L3MBTL4: variants seen among roughly 807,000 people sequenced by gnomAD.
L3MBTL4 encodes the protein L3MBTL histone methyl-lysine binding protein 4, also known as lethal(3)malignant brain tumor-like protein 4.
L3MBTL4 carries 70 observed loss-of-function variants against 84.5 expected under a neutral mutation model. The ratio of observed to expected loss-of-function variants is 0.83; its 90% CI spans 0.68 to 1.01. The LOEUF is 1.01. Among genes scored for constraint, L3MBTL4 ranks in the 50% least tolerant of loss-of-function variants. L3MBTL4 has a pLI of 0.00. For synonymous variants in L3MBTL4, 274 were observed against 259.8 expected, an observed-to-expected ratio of 1.05 and a Z score of -0.52; for missense variants, 715 against 754.8, an observed-to-expected ratio of 0.95 and a Z score of 0.62.
intron 12 of L3MBTL4, among the ~76,000 whole-genome samples, chr18:6,178,153 C>A (rs926285723): frequency 6.6e-6 from 1 of 151,914 alleles, no homozygotes; most frequent in East Asian, 1.9e-4. Context: ...TTTTTACATA[C>A]CCTATTCAAC....
In L3MBTL4 at chr18:6,307,276, C is replaced by CAAA. The variant is rs35431212; in HGVS notation, c.72+4275_72+4277dup. 2.3e-3 allele frequency among the ~76,000 whole-genome samples: 333 copies of CAAA among 144,596 alleles called. 4 individuals are homozygous for CAAA. Among genetic ancestry groups the CAAA allele is most frequent in the African/African-American group, 7.6e-3 (298 of 39,424 alleles). The allele number at this position is 144,596 out of a possible 152,430, so 94.9% of individuals were successfully genotyped here. A position where few individuals can be genotyped will look rare whatever the true frequency, so the allele number is the denominator to read the frequency against. ...TGAAACCCCATTTCTATTAAAAATACAAAAAAAAAAATGAGCTGAACGTGG... is the reference window on the plus strand; with the variant it reads ...TGAAACCCCATTTCTATTAAAAATACAAAAAAAAAAAAAATGAGCTGAACGTGG... On this transcript the variant is annotated intron_variant, in intron 3 of 18. Transcript: ENST00000317931.
At chr18:6,056,152 T>C (rs1201004362) in intron 16 of L3MBTL4, among the ~76,000 whole-genome samples, 1 of 152,140 alleles carries the variant, frequency 6.6e-6, no homozygotes, top group East Asian at 1.9e-4. Flanking sequence ...ACAGCGATTC[T>C]GTCATTTCCA....
chr18:6,317,394 C>A (rs186104349), intron 1 of L3MBTL4, among the ~76,000 whole-genome samples: 1 of 151,444 alleles, frequency 6.6e-6, no homozygotes, highest in Non-Finnish European at 1.5e-5. Context: ...TAAAGAGATA[C>A]ATATTTTAAA....
At chr18:6,295,309 A>ACTCTCTCTCTCT (rs58507219) in intron 4 of L3MBTL4, among the ~76,000 whole-genome samples, 12 of 62,740 alleles carry the variant, frequency 1.9e-4, no homozygotes, top group East Asian at 1.2e-3. Context: ...AACAACAACA[A>ACTCTCTCTCTCT]CTCTCTCTCT....
At chr18:6,345,522 C>CT (rs1453421873) in intron 1 of L3MBTL4, among the ~76,000 whole-genome samples, 1 of 151,936 alleles carries the variant, frequency 6.6e-6, no homozygotes, top group Non-Finnish European at 1.5e-5. Flanking sequence ...TGAGTTGTTG[C>CT]TATACACTGA....
chr18:6,034,737 G>T lies in L3MBTL4; in HGVS notation c.1444+46144C>A, dbSNP rs182828396. Among the ~76,000 whole-genome samples the T allele has an allele frequency of 9.6e-3, 1,465 of 152,188 alleles. 21 individuals carry two copies. Among genetic ancestry groups the T allele is most frequent in the African/African-American group, 0.034 (1,396 of 41,484 alleles). On this transcript the variant is annotated intron_variant, in intron 16 of 18. Transcript: ENST00000317931. Reference sequence around the variant, plus strand: ...GGACTCGCCACACTGACTTCCACAAGGGTTGAACTAGTTTACAGTCCCACC... The same window carrying T: ...GGACTCGCCACACTGACTTCCACAATGGTTGAACTAGTTTACAGTCCCACC...
At chr18:6,291,300 A>G (rs1049421152) in intron 4 of L3MBTL4, among the ~76,000 whole-genome samples, 1 of 152,200 alleles carries the variant, frequency 6.6e-6, no homozygotes, top group Non-Finnish European at 1.5e-5. Flanking sequence ...ATGACTGTGT[A>G]TTCAAATTGT....
chr18:6,016,557 GTC>G (rs2054990656), intron 16 of L3MBTL4, among the ~76,000 whole-genome samples: 1 of 152,170 alleles, frequency 6.6e-6, no homozygotes, highest in Non-Finnish European at 1.5e-5. Flanking sequence ...ACAAAGCTCA[GTC>G]TCTGTGCAAA....
intron 16 of L3MBTL4, among the ~76,000 whole-genome samples, chr18:5,970,447 C>G (rs1436045598): frequency 6.6e-6 from 1 of 152,150 alleles, no homozygotes; most frequent in African/African-American, 2.4e-5. Context: ...TGTTACATCT[C>G]AACATTTAAG....
intron 18 of L3MBTL4, 51 bp downstream of exon 18, chr18:5,960,043 C>G (rs919813629): frequency 3.0e-6 from 1 of 329,712 alleles, no homozygotes; most frequent in Non-Finnish European, 4.9e-6. Flanking sequence ...TATATACACA[C>G]ACATATATAT....
In L3MBTL4 at chr18:6,055,121, G is replaced by A. The variant is rs187428681; in HGVS notation, c.1444+25760C>T. On this transcript the variant is annotated intron_variant, in intron 16 of 18. Coordinates refer to ENST00000317931, the MANE Select transcript of L3MBTL4 (RefSeq NM_001330559.2). ...ATCTCATGCCTATTTTCAGTGACTAGTTATATCATCCTGAGTTACATATGA... is the reference window on the plus strand; with the variant it reads ...ATCTCATGCCTATTTTCAGTGACTAATTATATCATCCTGAGTTACATATGA... Among the ~76,000 whole-genome samples, 220 of 152,288 alleles carry A rather than the reference G, an allele frequency of 1.4e-3. 2 individuals carry two copies. Among genetic ancestry groups the A allele is most frequent in the Non-Finnish European group, 4.3e-4 (29 of 68,020 alleles).
At chr18:6,031,913 T>C (rs1372965870) in intron 16 of L3MBTL4, 8 of 813,616 alleles carry the variant, frequency 9.8e-6, no homozygotes, top group South Asian at 5.6e-5. Flanking sequence ...AGAGTAATGG[T>C]CACCTGCATT....
At chr18:6,336,226 A>T (rs943653049) in intron 1 of L3MBTL4, among the ~76,000 whole-genome samples, 1 of 150,176 alleles carries the variant, frequency 6.7e-6, no homozygotes, top group Non-Finnish European at 1.5e-5. Flanking sequence ...AATAAGAACT[A>T]GAAAGTATAA....
intron 14 of L3MBTL4, among the ~76,000 whole-genome samples, chr18:6,111,640 G>A (rs568290740): frequency 5.9e-5 from 9 of 152,276 alleles, no homozygotes; most frequent in Admixed American, 5.2e-4. Flanking sequence ...TCTCTCCAGC[G>A]TGTGAACGAC....
intron 16 of L3MBTL4, among the ~76,000 whole-genome samples, chr18:6,020,724 A>G (rs2055211641): frequency 6.6e-6 from 1 of 152,214 alleles, no homozygotes; most frequent in Admixed American, 6.5e-5. Flanking sequence ...GAGAGGAGTC[A>G]AGGACGCTCC....
At chr18:6,333,294 G>A (rs2052138910) in intron 1 of L3MBTL4, among the ~76,000 whole-genome samples, 1 of 152,140 alleles carries the variant, frequency 6.6e-6, no homozygotes, top group Non-Finnish European at 1.5e-5. Flanking sequence ...ATCTAATTGG[G>A]CCAGGCGTGG....
chr18:6,125,436 T>G (rs927578848), intron 14 of L3MBTL4, among the ~76,000 whole-genome samples: 12 of 152,224 alleles, frequency 7.9e-5, no homozygotes, highest in Non-Finnish European at 1.2e-4. Context: ...TTGTTTTGTT[T>G]TGTTCTTTTG....
intron 1 of L3MBTL4, among the ~76,000 whole-genome samples, chr18:6,387,257 A>C (rs1423423048): frequency 6.6e-6 from 1 of 152,278 alleles, no homozygotes; most frequent in East Asian, 1.9e-4. Flanking sequence ...CTGTGCTACC[A>C]CTATTCCCTT....
intron 1 of L3MBTL4, among the ~76,000 whole-genome samples, chr18:6,324,905 G>T (rs2051636196): frequency 6.6e-6 from 1 of 152,114 alleles, no homozygotes; most frequent in South Asian, 2.1e-4. Flanking sequence ...TTTATGAAAA[G>T]TTGCTTAACT....
Sources: gnomAD v4.1 joint callset for allele counts (sites outside exome capture counted in the v4.1 genomes callset) on GRCh38, gnomAD v4.1.1 for gene constraint, MANE v1.5 for transcripts, NCBI Gene and HGNC (gene_info 2026-07-23, HGNC 2026-07-21) for gene names.